Variants in SNCB observed in about 807,000 individuals in gnomAD.
SNCB encodes beta-synuclein.
Under a neutral mutation model 20.0 loss-of-function variants are expected in SNCB, and 8 were observed. The observed-to-expected ratio is 0.40, with a 90% CI of 0.24 to 0.72. SNCB has a LOEUF of 0.72. SNCB is among the 30% of genes least tolerant of loss of function. SNCB has a pLI of 0.37. For missense variants in SNCB, 125 were observed against 168.0 expected (o/e 0.74, Z 1.41); for synonymous variants, 56 against 65.4 (o/e 0.86, Z 0.69).
intron 4 of SNCB, among the ~76,000 whole-genome samples, chr5:176,625,020 C>A (rs1323682358): frequency 6.6e-6 from 1 of 152,206 alleles, no homozygotes; most frequent in Non-Finnish European, 1.5e-5. Context: ...AAACCAGACG[C>A]TGCAGAAGGA....
rs770655948 is a variant in SNCB at position 176,629,648 on chromosome 5, C to T, written c.7G>A (p.Val3Met). ...GCCATGGACAGGCCCTTCATGAACACGTCCATCCTGGCGGCCTGGGGAGGG... is the reference window on the plus strand; with the variant it reads ...GCCATGGACAGGCCCTTCATGAACATGTCCATCCTGGCGGCCTGGGGAGGG... MD[V>M]FMKGLSMAKE... Residue 3 changes from valine to methionine, a missense_variant, in exon 2 of 6, where the codon GTG becomes ATG. Transcript: ENST00000393693. The surrounding 1 kb of genome is among the most constrained non-coding windows in gnomAD (Gnocchi z 4.1). 3.9e-5 allele frequency: 63 copies of T among 1,613,538 alleles called. No individual in the cohort carries two copies. The highest frequency in any genetic ancestry group is 4.6e-5 in the Non-Finnish European group (54 of 1,179,762).
intron 4 of SNCB, among the ~76,000 whole-genome samples, chr5:176,623,607 C>T (rs1271945100): frequency 6.6e-6 from 1 of 152,112 alleles, no homozygotes; most frequent in Non-Finnish European, 1.5e-5. Flanking sequence ...AAGGTGGGGT[C>T]CTGGGGGGTA....
Position 176,621,191 on chromosome 5 carries a change from G to A in SNCB, c.372+23C>T, listed in dbSNP as rs116166081. The A allele has an allele frequency of 6.8e-4, 1,071 of 1,578,942 alleles. 7 individuals carry two copies. The African/African-American group carries it at 0.012, about 18-fold the overall frequency. On this transcript the variant is annotated intron_variant, in intron 5 of 5. Coordinates refer to ENST00000393693, the MANE Select transcript of SNCB (RefSeq NM_003085.5). The surrounding 1 kb of genome is among the most constrained non-coding windows in gnomAD (Gnocchi z 4.1). ...AATCATCCTGGATTCCCAAAGTCCC[G>A]CCCAGCCCTGCTGCCCCCTCACCTG... is the stretch of plus-strand genomic sequence containing the variant.
rs748801741 is a variant in SNCB at position 176,620,825 on chromosome 5, C to T, written c.391G>A (p.Glu131Lys). The T allele has an allele frequency of 1.2e-5, 20 of 1,613,804 alleles. No individual in the cohort carries two copies. The Admixed American group carries it at 3.3e-4, about 27-fold the overall frequency. Residue 131 changes from glutamate (E) to lysine (K), a missense_variant, in exon 6 of 6, where the codon GAG (glutamate) becomes AAG (lysine). By Grantham distance (56) the Glu-to-Lys change is moderately conservative. Transcript: ENST00000393693. This position sits in a 1 kb window ranked among gnomAD's most constrained non-coding sequence, Gnocchi z 4.5. ...DPPQEEYQEY[E>K]PEA ...CTCCTGGGCCCCTACGCCTCTGGCT[C>T]ATACTCCTGATATTCCTCCTGCATC...
In SNCB at chr5:176,621,421, G is replaced by T. The variant is rs1759588512; in HGVS notation, c.283-118C>A. The stretch of plus-strand genomic sequence containing the variant: ...GGCTAGGGTGGGTTGGCAGAGCAAG[G>T]ATAATTTCTAATTCAGTTATTTATT... On this transcript the variant is annotated intron_variant, in intron 4 of 5. Coordinates refer to ENST00000393693, the MANE Select transcript of SNCB (RefSeq NM_003085.5). This position sits in a 1 kb window ranked among gnomAD's most constrained non-coding sequence, Gnocchi z 4.1. 11 of 783,278 alleles carry T rather than the reference G, an allele frequency of 1.4e-5. No individual in the cohort carries two copies. Among genetic ancestry groups the T allele is most frequent in the Non-Finnish European group, 2.4e-5 (11 of 449,184 alleles). The allele number at this position is 783,278 out of a possible 1,614,324, so 48.5% of individuals were successfully genotyped here. A position where few individuals can be genotyped will look rare whatever the true frequency, so the allele number is the denominator to read the frequency against.
Position 176,626,854 on chromosome 5 carries a change from C to T in SNCB, c.122-93G>A, listed in dbSNP as rs1040954487. Reference sequence around the variant, plus strand: ...GGTGATTACAGAGTGGGCATCCTGGCCCCGTCACTGCCTCCTTGGGTCCCC... The same window carrying T: ...GGTGATTACAGAGTGGGCATCCTGGTCCCGTCACTGCCTCCTTGGGTCCCC... On this transcript the variant is annotated intron_variant, in intron 2 of 5. Transcript: ENST00000393693. This position sits in a 1 kb window ranked among gnomAD's most constrained non-coding sequence, Gnocchi z 4.2. 1 of 1,359,078 alleles carries T rather than the reference C, an allele frequency of 7.4e-7. No homozygotes were observed. Among genetic ancestry groups the T allele is most frequent in the Non-Finnish European group, 1.1e-6 (1 of 949,382 alleles). The allele number at this position is 1,359,078 out of a possible 1,614,324, so 84.2% of individuals were successfully genotyped here. A position where few individuals can be genotyped will look rare whatever the true frequency, so the allele number is the denominator to read the frequency against.
rs1759575353 is a variant in SNCB, at chr5:176,621,239, C to T, written c.347G>A (p.Gly116Glu). Residue 116 changes from glycine to glutamate, a missense_variant, in exon 5 of 6, where the codon GGG becomes GAG. By Grantham distance (98) the Gly-to-Glu change is moderately conservative. Transcript: ENST00000393693. This position sits in a 1 kb window ranked among gnomAD's most constrained non-coding sequence, Gnocchi z 4.1. The stretch of plus-strand genomic sequence containing the variant: ...CTGGGGTGGGTCCTCATAACTCTCC[C>T]CTTCTGGCTCCATCAGGGGCTCAAT... ...PLIEPLMEPE[G>E]ESYEDPPQEE... 1 of 1,613,726 alleles carries T rather than the reference C, an allele frequency of 6.2e-7. No homozygotes were observed.
chr5:176,627,298 G>C (rs1179291449), intron 2 of SNCB, among the ~76,000 whole-genome samples: 4 of 152,152 alleles, frequency 2.6e-5, no homozygotes, highest in Non-Finnish European at 5.9e-5. Flanking sequence ...GGTTCCCCTC[G>C]TGCCCCATGC....
At position 176,620,926 on chromosome 5, in the gene SNCB, G is replaced by C; in HGVS notation, c.373-83C>G. The C allele has an allele frequency of 8.1e-7, 1 of 1,227,960 alleles. No individual in the cohort carries two copies. 76.1% of individuals were successfully genotyped at this position (1,227,960 alleles called of 1,614,324 possible). ...ACCAAGTGGCCAAGCCCCGGCCCAA[G>C]AACCCTCTCCCTGAAGGAGGAATAG... is the stretch of plus-strand genomic sequence containing the variant. On this transcript the variant is annotated intron_variant, in intron 5 of 5. Coordinates refer to ENST00000393693, the MANE Select transcript of SNCB (RefSeq NM_003085.5). The surrounding 1 kb of genome is among the most constrained non-coding windows in gnomAD (Gnocchi z 4.5).
chr5:176,621,403 G>A lies in SNCB; in HGVS notation c.283-100C>T, dbSNP rs1409429665. On this transcript the variant is annotated intron_variant, in intron 4 of 5. Coordinates refer to ENST00000393693, the MANE Select transcript of SNCB (RefSeq NM_003085.5). This position sits in a 1 kb window ranked among gnomAD's most constrained non-coding sequence, Gnocchi z 4.1. ...GTGGGTTGGAGTGGGGAAGGCTAGG[G>A]TGGGTTGGCAGAGCAAGGATAATTT... The A allele has an allele frequency of 4.6e-5, 43 of 932,914 alleles. No homozygotes were observed. The highest frequency in any genetic ancestry group is 6.7e-5 in the Non-Finnish European group (39 of 579,850). 57.8% of individuals were successfully genotyped at this position (932,914 alleles called of 1,614,324 possible).
At chr5:176,628,595 C>T (rs530108534) in intron 2 of SNCB, among the ~76,000 whole-genome samples, 1 of 152,318 alleles carries the variant, frequency 6.6e-6, no homozygotes, top group Admixed American at 6.5e-5. Flanking sequence ...CTACTTCCTG[C>T]CCTGCCCCCA....
intron 4 of SNCB, among the ~76,000 whole-genome samples, chr5:176,622,006 G>A (rs1041121650): frequency 3.9e-5 from 6 of 152,234 alleles, no homozygotes; most frequent in East Asian, 1.9e-4. Context: ...AAGCACACGC[G>A]ATAGCTTAGG....
Position 176,621,205 on chromosome 5 carries a change from C to T in SNCB, c.372+9G>A, listed in dbSNP as rs377254074. ...CCCAAAGTCCCGCCCAGCCCTGCTGCCCCCTCACCTGGGGTGGGTCCTCAT... is the reference window on the plus strand; with the variant it reads ...CCCAAAGTCCCGCCCAGCCCTGCTGTCCCCTCACCTGGGGTGGGTCCTCAT... On this transcript the variant is annotated intron_variant, in intron 5 of 5. Coordinates refer to ENST00000393693, the MANE Select transcript of SNCB (RefSeq NM_003085.5). This position sits in a 1 kb window ranked among gnomAD's most constrained non-coding sequence, Gnocchi z 4.1. 144 of 1,605,836 alleles carry T rather than the reference C, an allele frequency of 9.0e-5. No individual in the cohort carries two copies. Among genetic ancestry groups the T allele is most frequent in the Non-Finnish European group, 1.2e-4 (136 of 1,174,018 alleles).
intron 4 of SNCB, among the ~76,000 whole-genome samples, chr5:176,623,500 C>T (rs899993441): frequency 5.3e-5 from 8 of 151,842 alleles, no homozygotes; most frequent in African/African-American, 1.5e-4. Flanking sequence ...CCTCCGTCTC[C>T]TGGCCATGCA....
Position 176,630,318 on chromosome 5 carries a change from G to C in SNCB, c.-48C>G, listed in dbSNP as rs984069142. 4 of 152,846 alleles carry C rather than the reference G, an allele frequency of 2.6e-5. No individual in the cohort carries two copies. Among genetic ancestry groups the C allele is most frequent in the Non-Finnish European group, 5.8e-5 (4 of 68,476 alleles). 9.5% of individuals were successfully genotyped at this position (152,846 alleles called of 1,614,324 possible). A position where few individuals can be genotyped will look rare whatever the true frequency, so the allele number is the denominator to read the frequency against. On this transcript the variant is annotated 5_prime_UTR_variant, in exon 1 of 6. Coordinates refer to ENST00000393693, the MANE Select transcript of SNCB (RefSeq NM_003085.5). ...CGGGGCTGGGGATGGAGCGGCGGCT[G>C]CGGCGGGCGGACGCGGGGGCTCCGC...
In SNCB at chr5:176,626,297, A is replaced by C. The variant is rs1759936198; in HGVS notation, c.282+101T>G. On this transcript the variant is annotated intron_variant, in intron 4 of 5. Transcript: ENST00000393693. This position sits in a 1 kb window ranked among gnomAD's most constrained non-coding sequence, Gnocchi z 4.2. ...TGTGTTCCAAGCTGGTGGCAGGATT[A>C]GGGGGGCGGGGATGGTGACAGGTTT... The C allele has an allele frequency of 4.5e-6, 4 of 891,314 alleles. No homozygotes were observed. The East Asian group carries it at 9.6e-5, about 21-fold the overall frequency. 55.2% of individuals were successfully genotyped at this position (891,314 alleles called of 1,614,324 possible).
chr5:176,623,260 G>A (rs1759722340), intron 4 of SNCB, among the ~76,000 whole-genome samples: 2 of 152,230 alleles, frequency 1.3e-5, no homozygotes, highest in Admixed American at 1.3e-4. Context: ...GGTGGTGCAC[G>A]CCTGTAGTCT....
Position 176,626,153 on chromosome 5 carries a change from A to G in SNCB, c.282+245T>C, listed in dbSNP as rs927689698. ...TGGGTCACGCTGGCAAGCAGGATAC[A>G]CGCAGACAGCCAGGTCTGGGTCCCC... On this transcript the variant is annotated intron_variant, in intron 4 of 5. Coordinates refer to ENST00000393693, the MANE Select transcript of SNCB (RefSeq NM_003085.5). The surrounding 1 kb of genome is among the most constrained non-coding windows in gnomAD (Gnocchi z 4.2). Among the ~76,000 whole-genome samples, 1 of 152,098 alleles carries G rather than the reference A, an allele frequency of 6.6e-6. No individual in the cohort carries two copies. Among genetic ancestry groups the G allele is most frequent in the Admixed American group, 6.6e-5 (1 of 15,260 alleles).
chr5:176,623,994 A>G (rs1759774300), intron 4 of SNCB, among the ~76,000 whole-genome samples: 1 of 152,246 alleles, frequency 6.6e-6, no homozygotes, highest in Admixed American at 6.5e-5. Flanking sequence ...AGAGAGTCTC[A>G]GAAATGCAGA....
Sources: allele counts gnomAD v4.1 joint callset (sites outside exome capture counted in the v4.1 genomes callset), GRCh38; gene constraint gnomAD v4.1.1; non-coding constraint Gnocchi (gnomAD v3.1); transcripts MANE v1.5; gene names NCBI Gene and HGNC (gene_info 2026-07-23, HGNC 2026-07-21).